Variants in LRRC4C observed in about 807,000 individuals in gnomAD.
The protein encoded by LRRC4C is leucine rich repeat containing 4C, also known as leucine-rich repeat-containing protein 4C.
A neutral mutation model predicts 33.6 loss-of-function variants in LRRC4C; 5 were observed. That is an observed-to-expected ratio of 0.15 (90% CI 0.08 to 0.31). LRRC4C has a LOEUF of 0.31. Among genes scored for constraint, LRRC4C ranks in the 10% least tolerant of loss-of-function variants. LRRC4C has a pLI of 1.00. For missense variants in LRRC4C, 560 were observed against 796.7 expected (o/e 0.70, Z 3.58); for synonymous variants, 329 against 302.0 (o/e 1.09, Z -0.93).
chr11:40,261,266 T>G (rs995992166), intron 4 of LRRC4C, among the ~76,000 whole-genome samples: 2 of 152,096 alleles, frequency 1.3e-5, no homozygotes, highest in Non-Finnish European at 2.9e-5. Flanking sequence ...AGTCGTTGAT[T>G]TGAAAAAGAA....
intron 4 of LRRC4C, among the ~76,000 whole-genome samples, chr11:40,256,254 C>T (rs1344588730): frequency 6.6e-6 from 1 of 152,104 alleles, no homozygotes; most frequent in African/African-American, 2.4e-5. Context: ...TAACATAATC[C>T]CAGGCTCATA....
intron 3 of LRRC4C, among the ~76,000 whole-genome samples, chr11:40,503,159 G>T (rs1180901807): frequency 2.0e-5 from 3 of 152,106 alleles, no homozygotes; most frequent in Non-Finnish European, 4.4e-5. Flanking sequence ...CTGCTACCTG[G>T]TAGTTCATAT....
chr11:40,771,714 C>T (rs1201822647), intron 2 of LRRC4C, among the ~76,000 whole-genome samples: 2 of 152,160 alleles, frequency 1.3e-5, no homozygotes, highest in Non-Finnish European at 2.9e-5. Flanking sequence ...GGGCAAAATG[C>T]TGCCAATCTC....
At chr11:40,374,962 A>G (rs1948599320) in intron 3 of LRRC4C, among the ~76,000 whole-genome samples, 1 of 152,188 alleles carries the variant, frequency 6.6e-6, no homozygotes, top group Non-Finnish European at 1.5e-5. Context: ...GCAAGCAACT[A>G]TGTTTAAACT....
intron 2 of LRRC4C, among the ~76,000 whole-genome samples, chr11:40,673,860 A>C (rs903448393): frequency 6.6e-6 from 1 of 152,174 alleles, no homozygotes; most frequent in Non-Finnish European, 1.5e-5. Context: ...AAGTGTTGCA[A>C]GGAAATAAAT....
intron 4 of LRRC4C, among the ~76,000 whole-genome samples, chr11:40,281,011 G>C (rs1040349640): frequency 2.0e-5 from 3 of 152,190 alleles, no homozygotes; most frequent in African/African-American, 2.4e-5. Flanking sequence ...GACAGAGGGA[G>C]GAGAAAAGGG....
intron 3 of LRRC4C, among the ~76,000 whole-genome samples, chr11:40,352,434 T>C (rs929180611): frequency 2.0e-5 from 3 of 151,956 alleles, no homozygotes; most frequent in Non-Finnish European, 4.4e-5. Flanking sequence ...TTTTGGTTGT[T>C]CCTATTTATA....
chr11:40,942,396 T>G (rs1056207939), intron 1 of LRRC4C, among the ~76,000 whole-genome samples: 4 of 152,162 alleles, frequency 2.6e-5, no homozygotes, highest in Non-Finnish European at 5.9e-5. Context: ...GGACCAGAAC[T>G]TTAGAAAGTG....
At chr11:40,642,137 G>T (rs1419206936) in intron 3 of LRRC4C, among the ~76,000 whole-genome samples, 1 of 151,824 alleles carries the variant, frequency 6.6e-6, no homozygotes, top group South Asian at 2.1e-4. Context: ...ATAATATGAA[G>T]CTATTGCACT....
At chr11:41,225,434 C>T (rs1421375879) in intron 1 of LRRC4C, among the ~76,000 whole-genome samples, 1 of 151,862 alleles carries the variant, frequency 6.6e-6, no homozygotes, top group South Asian at 2.1e-4. Flanking sequence ...CTTCTATATG[C>T]CCACAAAAAT....
intron 3 of LRRC4C, among the ~76,000 whole-genome samples, chr11:40,647,204 A>T (rs1942522751): frequency 6.6e-6 from 1 of 152,230 alleles, no homozygotes; most frequent in South Asian, 2.1e-4. Context: ...AGGAAAATGC[A>T]TGAGCAATAC....
intron 1 of LRRC4C, among the ~76,000 whole-genome samples, chr11:41,219,175 G>C (rs1947194630): frequency 1.3e-5 from 2 of 152,046 alleles, no homozygotes; most frequent in Non-Finnish European, 1.5e-5. Context: ...GTTAATTATG[G>C]GTAGATTCGT....
At chr11:40,329,739 T>G (rs1317508021) in intron 3 of LRRC4C, among the ~76,000 whole-genome samples, 1 of 4,688 alleles carries the variant, frequency 2.1e-4, no homozygotes, top group Non-Finnish European at 3.5e-3. Flanking sequence ...TTCTTTTTCT[T>G]TTTTTTTTTT....
At chr11:40,530,177 T>A (rs1956217321) in intron 3 of LRRC4C, among the ~76,000 whole-genome samples, 1 of 152,094 alleles carries the variant, frequency 6.6e-6, no homozygotes, top group Non-Finnish European at 1.5e-5. Context: ...TTTTCTCTGG[T>A]GAATCATTTC....
intron 3 of LRRC4C, among the ~76,000 whole-genome samples, chr11:40,438,080 A>G (rs1951221530): frequency 6.6e-6 from 1 of 152,194 alleles, no homozygotes; most frequent in Admixed American, 6.5e-5. Context: ...GGCCTCACTG[A>G]ATGTTGACCT....
intron 2 of LRRC4C, among the ~76,000 whole-genome samples, chr11:40,719,880 A>G (rs1329523747): frequency 1.3e-5 from 2 of 152,176 alleles, no homozygotes; most frequent in African/African-American, 2.4e-5. Flanking sequence ...TTGTATTCAG[A>G]TTACAGTCTG....
chr11:40,898,366 A>AGAAAAAG (rs1554991247), intron 2 of LRRC4C, among the ~76,000 whole-genome samples: 4 of 117,468 alleles, frequency 3.4e-5, no homozygotes, highest in Admixed American at 2.2e-4. Flanking sequence ...AAAAAAAAAA[A>AGAAAAAG]AAAAAAGAAA....
chr11:41,168,916 G>A (rs1295781288), intron 1 of LRRC4C, among the ~76,000 whole-genome samples: 1 of 152,134 alleles, frequency 6.6e-6, no homozygotes, highest in Non-Finnish European at 1.5e-5. Flanking sequence ...AGAAGTAACT[G>A]TCCTATGAAA....
At chr11:40,569,878 G>A (rs896119045) in intron 3 of LRRC4C, among the ~76,000 whole-genome samples, 8 of 151,902 alleles carry the variant, frequency 5.3e-5, no homozygotes, top group Non-Finnish European at 1.0e-4. Flanking sequence ...TACATATAGC[G>A]AAATACTAAC....
Sources: gnomAD v4.1 joint callset for allele counts (sites outside exome capture counted in the v4.1 genomes callset) on GRCh38, gnomAD v4.1.1 for gene constraint, MANE v1.5 for transcripts, NCBI Gene and HGNC (gene_info 2026-07-23, HGNC 2026-07-21) for gene names.